The following E2F8 variants were observed in gnomAD, a reference collection of about 807,000 sequenced individuals.
The protein encoded by E2F8 is E2F transcription factor 8, also known as transcription factor E2F8.
A neutral mutation model predicts 80.8 loss-of-function variants in E2F8; 35 were observed. That is an observed-to-expected ratio of 0.43 (90% CI 0.33 to 0.57). E2F8 has a LOEUF of 0.57. Among genes scored for constraint, E2F8 ranks in the 20% least tolerant of loss-of-function variants. E2F8 has a pLI of 0.04. For missense variants in E2F8, 975 were observed against 1,056.2 expected (o/e 0.92, Z 1.07); for synonymous variants, 386 against 395.0 (o/e 0.98, Z 0.27).
intron 7 of E2F8, among the ~76,000 whole-genome samples, chr11:19,231,776 G>A (rs1300269913): frequency 2.6e-5 from 4 of 152,196 alleles, no homozygotes; most frequent in Non-Finnish European, 5.9e-5. Flanking sequence ...TGAACACAGG[G>A]TGGGAGGTTG....
In E2F8 at chr11:19,225,627, A is replaced by T; in HGVS notation, c.2027-12T>A. On this transcript the variant is annotated splice_polypyrimidine_tract_variant and intron_variant, in intron 11 of 12. Transcript: ENST00000250024. ...CACTGGAATAACACCTGGAAGGAAAAGGGGGAAGATATCTTAAAAGCACAG... is the reference window on the plus strand; with the variant it reads ...CACTGGAATAACACCTGGAAGGAAATGGGGGAAGATATCTTAAAAGCACAG... The T allele has an allele frequency of 6.2e-7, 1 of 1,611,650 alleles. No homozygotes were observed. Among genetic ancestry groups the T allele is most frequent in the Non-Finnish European group, 8.5e-7 (1 of 1,178,076 alleles).
rs1359990900 is a variant in E2F8 at position 19,230,139 on chromosome 11, C to T, written c.1358+102G>A. 8 of 1,481,670 alleles carry T rather than the reference C, an allele frequency of 5.4e-6. No individual in the cohort carries two copies. The Admixed American group carries it at 9.4e-5, about 17-fold the overall frequency. 91.8% of individuals were successfully genotyped at this position (1,481,670 alleles called of 1,614,324 possible). ...GTATGAGATACAGAAAAGATTAGCT[C>T]TCCAGTTCAAGGCTAGGGCTTCTTC... On this transcript the variant is annotated intron_variant, in intron 9 of 12. Transcript: ENST00000250024.
rs1851178580 is a variant in E2F8 at position 19,224,600 on chromosome 11, G to A, written c.*58C>T. ...GAATGTGTTCTCCAAATCAGTCTGT[G>A]TACATTTTCTCTATTAAACAACTCT... On this transcript the variant is annotated 3_prime_UTR_variant, in exon 13 of 13. Transcript: ENST00000250024. 6.4e-7 allele frequency: 1 copy of A among 1,563,824 alleles called. No individual in the cohort carries two copies. Among genetic ancestry groups the A allele is most frequent in the Non-Finnish European group, 8.8e-7 (1 of 1,140,852 alleles).
At chr11:19,232,884 C>T (rs1288126330) in intron 6 of E2F8, among the ~76,000 whole-genome samples, 1 of 152,176 alleles carries the variant, frequency 6.6e-6, no homozygotes, top group East Asian at 1.9e-4. Context: ...AAACATAGAT[C>T]TGTGAACTTG....
In E2F8 at chr11:19,226,971, T is replaced by C. The variant is rs184221623; in HGVS notation, c.1894-1107A>G. ...AAAGGCCCAAGGGTAGGGTTGCATG[T>C]ACCTCCCAACATGCCTATTAGATCA... is the stretch of plus-strand genomic sequence containing the variant. On this transcript the variant is annotated intron_variant, in intron 10 of 12. Transcript: ENST00000250024. 1.3e-3 allele frequency among the ~76,000 whole-genome samples: 197 copies of C among 152,352 alleles called. 1 individual carries two copies. Among genetic ancestry groups the C allele is most frequent in the Middle Eastern group, 3.4e-3 (1 of 294 alleles).
rs779396592 is a variant in E2F8, at chr11:19,230,235, A to C, written c.1358+6T>G. On this transcript the variant is annotated splice_donor_region_variant and intron_variant, in intron 9 of 12. Transcript: ENST00000250024. ...ATCCTGTTATTAAAGAGGATTGCCA[A>C]CCTACCTTGATTGCTCTTCTAACTG... The C allele has an allele frequency of 4.4e-6, 7 of 1,609,036 alleles. No individual in the cohort carries two copies. Among genetic ancestry groups the C allele is most frequent in the African/African-American group, 1.3e-5 (1 of 74,542 alleles).
At chr11:19,232,437 AG>A (rs1458324216) in intron 6 of E2F8, 66 bp from the exon 7 acceptor site, 1 of 1,403,092 alleles carries the variant, frequency 7.1e-7, no homozygotes, top group African/African-American at 1.4e-5. Flanking sequence ...TTCCTTCAGA[AG>A]GACTTCATGT....
At chr11:19,231,820 C>T (rs1006928430) in intron 7 of E2F8, among the ~76,000 whole-genome samples, 1 of 152,150 alleles carries the variant, frequency 6.6e-6, no homozygotes, top group African/African-American at 2.4e-5. Context: ...GAGCCAGTAG[C>T]CAAACTTTCT....
chr11:19,227,542 G>T (rs909260049), intron 10 of E2F8, among the ~76,000 whole-genome samples: 8 of 151,960 alleles, frequency 5.3e-5, no homozygotes, highest in Non-Finnish European at 8.8e-5. Flanking sequence ...AAAATAATTA[G>T]AACTATTAAA....
rs1851173480 is a variant in E2F8, at chr11:19,224,467, ATATG to A, written c.*187_*190del. 2 of 460,416 alleles carry A rather than the reference ATATG, an allele frequency of 4.3e-6. No homozygotes were observed. Among genetic ancestry groups the A allele is most frequent in the South Asian group, 4.8e-5 (1 of 20,784 alleles). The allele number at this position is 460,416 out of a possible 1,614,324, so 28.5% of individuals were successfully genotyped here. A position where few individuals can be genotyped will look rare whatever the true frequency, so the allele number is the denominator to read the frequency against. On this transcript the variant is annotated 3_prime_UTR_variant, in exon 13 of 13. Coordinates refer to ENST00000250024, the MANE Select transcript of E2F8 (RefSeq NM_024680.4). ...AAGCTAAACTTAGCTTTATACAAAT[ATATG>A]TGTGTGTGTGTGTGTGTGTGTGTGT...
chr11:19,240,214 C>T lies in E2F8; in HGVS notation c.-93G>A. ...GGTTCAAGTAGTCCAATCAATTGTA[C>T]TAAAAGTTTTAATATCCTTAAAGAA... On this transcript the variant is annotated 5_prime_UTR_variant, in exon 2 of 13. Coordinates refer to ENST00000250024, the MANE Select transcript of E2F8 (RefSeq NM_024680.4). 1.3e-6 allele frequency: 1 copy of T among 785,478 alleles called. No individual in the cohort carries two copies. 48.7% of individuals were successfully genotyped at this position (785,478 alleles called of 1,614,324 possible). A position where few individuals can be genotyped will look rare whatever the true frequency, so the allele number is the denominator to read the frequency against.
At position 19,240,143 on chromosome 11, in the gene E2F8, TAG is replaced by T. The variant is rs1851621672; in HGVS notation, c.-24_-23del. ...CCATTCTGTAAATTCCTCATACATTTAGAGTTTAAAAATGAAAAATCTGGAGT... is the reference window on the plus strand; with the variant it reads ...CCATTCTGTAAATTCCTCATACATTTAGTTTAAAAATGAAAAATCTGGAGT... On this transcript the variant is annotated 5_prime_UTR_variant, in exon 2 of 13. Coordinates refer to ENST00000250024, the MANE Select transcript of E2F8 (RefSeq NM_024680.4). The T allele has an allele frequency of 6.7e-7, 1 of 1,484,792 alleles. No individual in the cohort carries two copies. Among genetic ancestry groups the T allele is most frequent in the African/African-American group, 1.4e-5 (1 of 70,358 alleles). 92.0% of individuals were successfully genotyped at this position (1,484,792 alleles called of 1,614,324 possible).
At chr11:19,232,942 T>A (rs1851418904) in intron 6 of E2F8, among the ~76,000 whole-genome samples, 1 of 152,220 alleles carries the variant, frequency 6.6e-6, no homozygotes, top group Non-Finnish European at 1.5e-5. Flanking sequence ...AGTCTGTTTT[T>A]TACTGCCATC....
Position 19,240,139 on chromosome 11 carries a change from C to T in E2F8, c.-18G>A. ...TTCTCCATTCTGTAAATTCCTCATACATTTAGAGTTTAAAAATGAAAAATC... is the reference window on the plus strand; with the variant it reads ...TTCTCCATTCTGTAAATTCCTCATATATTTAGAGTTTAAAAATGAAAAATC... On this transcript the variant is annotated 5_prime_UTR_variant, in exon 2 of 13. It removes an upstream start codon present in the reference 5' UTR. Coordinates refer to ENST00000250024, the MANE Select transcript of E2F8 (RefSeq NM_024680.4). 1 of 1,490,366 alleles carries T rather than the reference C, an allele frequency of 6.7e-7. No homozygotes were observed. Among genetic ancestry groups the T allele is most frequent in the Non-Finnish European group, 9.0e-7 (1 of 1,111,120 alleles). The allele number at this position is 1,490,366 out of a possible 1,614,324, so 92.3% of individuals were successfully genotyped here.
chr11:19,233,492 G>A (rs1404934126), intron 6 of E2F8, among the ~76,000 whole-genome samples: 1 of 151,996 alleles, frequency 6.6e-6, no homozygotes, highest in Admixed American at 6.6e-5. Context: ...TTCTTCTAGT[G>A]TTTCCTTTTT....
At chr11:19,234,603 C>A in intron 5 of E2F8, 82 bp from the exon 6 acceptor site, 1 of 1,562,640 alleles carries the variant, frequency 6.4e-7, no homozygotes, top group Admixed American at 1.8e-5. Flanking sequence ...AAAAATACTA[C>A]CACCTGATCA....
At chr11:19,227,782 T>C (rs909066137) in intron 10 of E2F8, among the ~76,000 whole-genome samples, 3 of 152,236 alleles carry the variant, frequency 2.0e-5, no homozygotes, top group African/African-American at 7.2e-5. Flanking sequence ...GCTCAGGCCA[T>C]ACTAAAACGA....
rs746947015 is a variant in E2F8, at chr11:19,240,093, A to G, written c.15+14T>C. On this transcript the variant is annotated intron_variant, in intron 2 of 12. Transcript: ENST00000250024. Reference sequence around the variant, plus strand: ...TTTAAAATTGCAATGATGAATACTGAAGTTATAAAGTACCTTTTCGTTCTC... The same window carrying G: ...TTTAAAATTGCAATGATGAATACTGGAGTTATAAAGTACCTTTTCGTTCTC... The G allele has an allele frequency of 2.0e-5, 30 of 1,523,144 alleles. No individual in the cohort carries two copies. Among genetic ancestry groups the G allele is most frequent in the Middle Eastern group, 1.7e-4 (1 of 5,790 alleles). 94.4% of individuals were successfully genotyped at this position (1,523,144 alleles called of 1,614,324 possible).
At chr11:19,230,352 G>A (rs763727520) in intron 8 of E2F8, 24 bp from the exon 9 acceptor site, 29 of 1,602,730 alleles carry the variant, frequency 1.8e-5, no homozygotes, top group Middle Eastern at 3.3e-4. Flanking sequence ...AAGGAAGAGA[G>A]CACCGGTCAA....
Sources: allele counts gnomAD v4.1 joint callset (sites outside exome capture counted in the v4.1 genomes callset), GRCh38; gene constraint gnomAD v4.1.1; transcripts MANE v1.5; gene names NCBI Gene and HGNC (gene_info 2026-07-23, HGNC 2026-07-21).